MARCOL: variants seen among roughly 807,000 people sequenced by gnomAD.
The protein encoded by MARCOL is MARCO like.
intron 1 of MARCOL, among the ~76,000 whole-genome samples, chr5:148,239,794 G>T (rs2113339494): frequency 6.6e-6 from 1 of 151,980 alleles, no homozygotes; most frequent in Middle Eastern, 3.4e-3. Context: ...TACTGTAACT[G>T]TTGTGACCTT....
In MARCOL at chr5:148,242,710, C is replaced by T; in HGVS notation, c.314C>T (p.Ser105Leu). The T allele has an allele frequency of 2.5e-6, 1 of 398,312 alleles. No homozygotes were observed. The highest frequency in any genetic ancestry group is 3.6e-5 in the East Asian group (1 of 28,068). 24.7% of individuals were successfully genotyped at this position (398,312 alleles called of 1,614,324 possible). ...VLNQPGILKNSGKSNQKGNPE... is the reference protein window; with the variant it reads ...VLNQPGILKNLGKSNQKGNPE... ...AACCAGCCTGGGATTTTAAAGAATT[C>T]AGGAAAATCTAACCAAAAAGGGAAT... The change falls in exon 2 of 2, where the codon TCA becomes TTA. Residue 105 changes from serine (S) to leucine (L), a missense_variant. Transcript: ENST00000638089.
chr5:148,241,260 T>C (rs548264417), intron 1 of MARCOL, among the ~76,000 whole-genome samples: 76 of 151,888 alleles, frequency 5.0e-4, no homozygotes, highest in African/African-American at 1.8e-3. Flanking sequence ...TTAAATTGAC[T>C]TGAAGGTATA....
chr5:148,241,255 T>C (rs1173697523), intron 1 of MARCOL, among the ~76,000 whole-genome samples: 1 of 151,786 alleles, frequency 6.6e-6, no homozygotes, highest in East Asian at 1.9e-4. Context: ...TTTGCTTAAA[T>C]TGACTTGAAG....
In MARCOL at chr5:148,243,415, G is replaced by T. The variant is rs1166959992; in HGVS notation, c.*161G>T. On this transcript the variant is annotated 3_prime_UTR_variant, in exon 2 of 2. Transcript: ENST00000638089. ...TCATCTAGCCAACAAGGGAAGCCAG[G>T]GGCATCTAACCAGCAAGGAGATCTA... 2.5e-6 allele frequency: 1 copy of T among 395,496 alleles called. No homozygotes were observed. Among genetic ancestry groups the T allele is most frequent in the South Asian group, 1.3e-4 (1 of 7,420 alleles). 24.5% of individuals were successfully genotyped at this position (395,496 alleles called of 1,614,324 possible).
At chr5:148,240,201 A>G (rs1263970573) in intron 1 of MARCOL, among the ~76,000 whole-genome samples, 1 of 151,952 alleles carries the variant, frequency 6.6e-6, no homozygotes, top group Non-Finnish European at 1.5e-5. Flanking sequence ...GGCTAAATAA[A>G]TTATGATAAA....
chr5:148,241,586 T>C (rs1264328718), intron 1 of MARCOL, among the ~76,000 whole-genome samples: 2 of 150,018 alleles, frequency 1.3e-5, no homozygotes, highest in Non-Finnish European at 1.5e-5. Context: ...TACTTAGCTC[T>C]ACAGTGATTC....
At chr5:148,241,827 G>C (rs1316725289) in intron 1 of MARCOL, among the ~76,000 whole-genome samples, 5 of 152,086 alleles carry the variant, frequency 3.3e-5, no homozygotes, top group African/African-American at 7.2e-5. Flanking sequence ...CCACCAGAGA[G>C]AGCATGATTG....
At chr5:148,242,355 A>G (rs1446735297) in intron 1 of MARCOL, 91 bp from the exon 2 acceptor site, 1 of 395,268 alleles carries the variant, frequency 2.5e-6, no homozygotes. Context: ...CATTAAAAAC[A>G]TACTATATCT....
chr5:148,241,391 C>CAA (rs11406700), intron 1 of MARCOL, among the ~76,000 whole-genome samples: 24 of 150,912 alleles, frequency 1.6e-4, no homozygotes, highest in South Asian at 4.2e-4. Flanking sequence ...AAAAAAATAC[C>CAA]AAAAAAACCT....
Position 148,242,678 on chromosome 5 carries a change from AG to A in MARCOL, c.283del (p.Val95PhefsTer2). ...PRHFKQGRAGVLNQPGILKNS... is the reference protein window; with the variant it reads ...PRHFKQGRAGXLNQPGILKNS... ...GACATTTTAAGCAAGGGAGAGCAGG[AG>A]TTTTAAACCAGCCTGGGATTTTAAA... is the stretch of plus-strand genomic sequence containing the variant. On this transcript the variant is annotated frameshift_variant, in exon 2 of 2. Coordinates refer to ENST00000638089, the MANE Select transcript of MARCOL (RefSeq NM_001363511.2). LOFTEE classifies it low-confidence loss of function (END_TRUNC). 1 of 398,478 alleles carries A rather than the reference AG, an allele frequency of 2.5e-6. No individual in the cohort carries two copies. Among genetic ancestry groups the A allele is most frequent in the Non-Finnish European group, 4.4e-6 (1 of 225,968 alleles). 24.7% of individuals were successfully genotyped at this position (398,478 alleles called of 1,614,324 possible). A position where few individuals can be genotyped will look rare whatever the true frequency, so the allele number is the denominator to read the frequency against.
intron 1 of MARCOL, among the ~76,000 whole-genome samples, chr5:148,240,396 G>A (rs12516071): frequency 0.79 from 119,234 of 151,744 alleles, 50,074 homozygotes; most frequent in Middle Eastern, 0.94. Context: ...AATACATAGG[G>A]TATCCATCAA....
At chr5:148,239,266 C>G (rs1052470367) in intron 1 of MARCOL, among the ~76,000 whole-genome samples, 2 of 151,778 alleles carry the variant, frequency 1.3e-5, no homozygotes, top group African/African-American at 4.8e-5. Context: ...ATGTAAATTT[C>G]TAGCTTTGAG....
Position 148,242,429 on chromosome 5 carries a change from T to C in MARCOL, c.50-17T>C. 1 of 398,024 alleles carries C rather than the reference T, an allele frequency of 2.5e-6. No individual in the cohort carries two copies. Among genetic ancestry groups the C allele is most frequent in the Non-Finnish European group, 4.4e-6 (1 of 225,678 alleles). 24.7% of individuals were successfully genotyped at this position (398,024 alleles called of 1,614,324 possible). Reference sequence around the variant, plus strand: ...TAACTTTATTTTCATTTTTTTCTGGTTGTGTTATTATTCCAGCATCTTCAA... The same window carrying C: ...TAACTTTATTTTCATTTTTTTCTGGCTGTGTTATTATTCCAGCATCTTCAA... On this transcript the variant is annotated splice_polypyrimidine_tract_variant and intron_variant, in intron 1 of 1. Coordinates refer to ENST00000638089, the MANE Select transcript of MARCOL (RefSeq NM_001363511.2).
At chr5:148,241,832 T>A (rs1287233045) in intron 1 of MARCOL, among the ~76,000 whole-genome samples, 1 of 152,042 alleles carries the variant, frequency 6.6e-6, no homozygotes, top group Non-Finnish European at 1.5e-5. Flanking sequence ...AGAGAGAGCA[T>A]GATTGATCCT....
At chr5:148,241,423 C>G (rs1755963926) in intron 1 of MARCOL, among the ~76,000 whole-genome samples, 1 of 148,214 alleles carries the variant, frequency 6.7e-6, no homozygotes, top group East Asian at 2.0e-4. Context: ...AAAATGTAAG[C>G]CTAATTAAAA....
Position 148,243,297 on chromosome 5 carries a change from G to A in MARCOL, c.*43G>A. The A allele has an allele frequency of 2.5e-6, 1 of 398,136 alleles. No individual in the cohort carries two copies. Among genetic ancestry groups the A allele is most frequent in the East Asian group, 3.6e-5 (1 of 28,050 alleles). 24.7% of individuals were successfully genotyped at this position (398,136 alleles called of 1,614,324 possible). On this transcript the variant is annotated 3_prime_UTR_variant, in exon 2 of 2. Transcript: ENST00000638089. Reference sequence around the variant, plus strand: ...GAATATAGGATCTCCTAGCCAACAGGAGAAGCCAGAGTCTTCTAGCCAACA... The same window carrying A: ...GAATATAGGATCTCCTAGCCAACAGAAGAAGCCAGAGTCTTCTAGCCAACA...
chr5:148,239,005 G>T (rs1024824895), intron 1 of MARCOL, among the ~76,000 whole-genome samples: 2 of 151,984 alleles, frequency 1.3e-5, no homozygotes, highest in Non-Finnish European at 2.9e-5. Context: ...TGGACTACAT[G>T]GTCAAATAAT....
intron 1 of MARCOL, among the ~76,000 whole-genome samples, chr5:148,238,899 C>T (rs938493387): frequency 1.3e-5 from 2 of 151,954 alleles, no homozygotes; most frequent in African/African-American, 2.4e-5. Context: ...AAAGGCAAAA[C>T]ATTAGACTGG....
At chr5:148,241,719 A>G (rs544131879) in intron 1 of MARCOL, among the ~76,000 whole-genome samples, 1 of 152,224 alleles carries the variant, frequency 6.6e-6, no homozygotes, top group East Asian at 1.9e-4. Context: ...GGCTTCCAAA[A>G]TAAGTTGGAG....
Sources: gnomAD v4.1 joint callset for allele counts (sites outside exome capture counted in the v4.1 genomes callset) on GRCh38, gnomAD v4.1.1 for gene constraint, MANE v1.5 for transcripts, NCBI Gene and HGNC (gene_info 2026-07-23, HGNC 2026-07-21) for gene names.